ZFPM2: variants seen among roughly 807,000 people sequenced by gnomAD.
ZFPM2 encodes zinc finger protein, FOG family member 2, also known as zinc finger protein ZFPM2.
In ZFPM2, 20 loss-of-function variants were observed where a neutral mutation model predicts 98.6. The ratio of observed to expected loss-of-function variants is 0.20; its 90% CI spans 0.14 to 0.29. The LOEUF is 0.29. Ranked by LOEUF, ZFPM2 falls within the 10% of genes least tolerant of loss-of-function variation. The probability of loss-of-function intolerance (pLI) is 1.00; values close to 1 mark genes in which losing one functional copy is unlikely to be tolerated. For synonymous variants in ZFPM2, 518 were observed against 502.7 expected, an observed-to-expected ratio of 1.03 and a Z score of -0.41; for missense variants, 1,310 against 1,388.6, an observed-to-expected ratio of 0.94 and a Z score of 0.90.
At chr8:105,759,991 G>A (rs1217770505) in intron 5 of ZFPM2, among the ~76,000 whole-genome samples, 2 of 152,072 alleles carry the variant, frequency 1.3e-5, no homozygotes, top group East Asian at 1.9e-4. Flanking sequence ...AGTAGATTAG[G>A]TTAATTCAGA....
chr8:105,322,416 G>T (rs1318458790), intron 1 of ZFPM2, among the ~76,000 whole-genome samples: 1 of 146,492 alleles, frequency 6.8e-6, no homozygotes, highest in African/African-American at 2.5e-5. Context: ...ACACTGAAGT[G>T]TATTGGCTAT....
intron 5 of ZFPM2, among the ~76,000 whole-genome samples, chr8:105,735,352 T>G (rs1271122710): frequency 6.6e-6 from 1 of 151,636 alleles, no homozygotes; most frequent in Non-Finnish European, 1.5e-5. Context: ...TGTGGATACA[T>G]TGTATTATAC....
chr8:105,403,438 T>G (rs566692723), intron 1 of ZFPM2, among the ~76,000 whole-genome samples: 18 of 152,270 alleles, frequency 1.2e-4, no homozygotes, highest in African/African-American at 4.3e-4. Context: ...AATGTAGAAA[T>G]GTAGATTTTT....
intron 4 of ZFPM2, among the ~76,000 whole-genome samples, chr8:105,599,568 G>A (rs1816048654): frequency 6.6e-6 from 1 of 152,022 alleles, no homozygotes; most frequent in South Asian, 2.1e-4. Context: ...GAGGATCAGA[G>A]TATCAAGGAA....
chr8:105,790,327 A>T (rs1813565758), intron 6 of ZFPM2, among the ~76,000 whole-genome samples: 1 of 151,610 alleles, frequency 6.6e-6, no homozygotes, highest in African/African-American at 2.4e-5. Context: ...TCCCAGCACC[A>T]TTTATTAAAT....
intron 5 of ZFPM2, among the ~76,000 whole-genome samples, chr8:105,781,066 T>A (rs997539244): frequency 6.6e-6 from 1 of 152,162 alleles, no homozygotes; most frequent in African/African-American, 2.4e-5. Context: ...TATTCTTAAC[T>A]AAGGAAGCAA....
intron 5 of ZFPM2, among the ~76,000 whole-genome samples, chr8:105,781,673 T>C (rs780044741): frequency 6.6e-6 from 1 of 152,068 alleles, no homozygotes; most frequent in Non-Finnish European, 1.5e-5. Flanking sequence ...AGCTGAGCGG[T>C]GACTGCCACT....
At chr8:105,689,476 A>T (rs1257357096) in intron 5 of ZFPM2, among the ~76,000 whole-genome samples, 1 of 152,176 alleles carries the variant, frequency 6.6e-6, no homozygotes, top group African/African-American at 2.4e-5. Flanking sequence ...GACAAACCAA[A>T]TGCTATTCAG....
chr8:105,332,943 G>A (rs1194948999), intron 1 of ZFPM2, among the ~76,000 whole-genome samples: 5 of 151,698 alleles, frequency 3.3e-5, no homozygotes, highest in Non-Finnish European at 7.4e-5. Context: ...ACTTTTAAAG[G>A]GCTTTGTGTG....
chr8:105,359,071 A>G (rs1256385991), intron 1 of ZFPM2, among the ~76,000 whole-genome samples: 1 of 152,088 alleles, frequency 6.6e-6, no homozygotes, highest in Non-Finnish European at 1.5e-5. Context: ...GTAATCCCCA[A>G]GTGTTGAGGG....
rs1334398613 is a variant in ZFPM2, at chr8:105,801,828, A to G, written c.1746A>G (p.Pro582=). 1 of 1,613,870 alleles carries G rather than the reference A, an allele frequency of 6.2e-7. No individual in the cohort carries two copies. Among genetic ancestry groups the G allele is most frequent in the Non-Finnish European group, 8.5e-7 (1 of 1,179,886 alleles). ...SSRWQQMAKS[P]EFPSVSEKMP... ...GATGGCAGCAGATGGCTAAGTCCCCAGAGTTCCCTAGTGTGTCAGAAAAGA... is the reference window on the plus strand; with the variant it reads ...GATGGCAGCAGATGGCTAAGTCCCCGGAGTTCCCTAGTGTGTCAGAAAAGA... The change falls in exon 8 of 8, where the codon CCA becomes CCG. Residue 582 remains proline, a synonymous_variant. Coordinates refer to ENST00000407775, the MANE Select transcript of ZFPM2 (RefSeq NM_012082.4).
At chr8:105,620,657 G>C (rs1816519887) in intron 4 of ZFPM2, among the ~76,000 whole-genome samples, 1 of 152,008 alleles carries the variant, frequency 6.6e-6, no homozygotes, top group Non-Finnish European at 1.5e-5. Context: ...GGTTTTTTAT[G>C]GTTTTAGGTC....
At chr8:105,645,776 G>A (rs1418521027) in intron 5 of ZFPM2, among the ~76,000 whole-genome samples, 1 of 152,084 alleles carries the variant, frequency 6.6e-6, no homozygotes, top group South Asian at 2.1e-4. Context: ...AGAAATGGCC[G>A]GGCATGGTGG....
rs1814052830 is a variant in ZFPM2, at chr8:105,802,320, A to G, written c.2238A>G (p.Leu746=). 5.0e-6 allele frequency: 8 copies of G among 1,613,830 alleles called. No individual in the cohort carries two copies. The highest frequency in any genetic ancestry group is 6.8e-6 in the Non-Finnish European group (8 of 1,179,840). The change falls in exon 8 of 8, where the codon CTA becomes CTG. Residue 746 remains leucine (L), a synonymous_variant. Coordinates refer to ENST00000407775, the MANE Select transcript of ZFPM2 (RefSeq NM_012082.4). ...GCAGAAAGATGTATGAGATGTGCCT[A>G]CCTGAGCAGGAACAAAGGCCTCCAC... ...RKRRKMYEMC[L]PEQEQRPPLV... is the part of the protein sequence containing the mutation.
At chr8:105,422,687 A>T (rs1226157121) in intron 2 of ZFPM2, among the ~76,000 whole-genome samples, 1 of 152,168 alleles carries the variant, frequency 6.6e-6, no homozygotes, top group Admixed American at 6.5e-5. Context: ...TAAACAAAGG[A>T]TATCTTAAAA....
intron 4 of ZFPM2, among the ~76,000 whole-genome samples, chr8:105,589,548 T>C (rs1815798844): frequency 6.6e-6 from 1 of 152,226 alleles, no homozygotes; most frequent in Non-Finnish European, 1.5e-5. Context: ...TTATTTACGT[T>C]AACATAAAAG....
intron 5 of ZFPM2, among the ~76,000 whole-genome samples, chr8:105,665,394 G>T (rs1379676864): frequency 6.6e-6 from 1 of 152,002 alleles, no homozygotes; most frequent in Non-Finnish European, 1.5e-5. Flanking sequence ...TATTATATTG[G>T]TACAAAAATG....
At chr8:105,728,950 T>C (rs1349670696) in intron 5 of ZFPM2, among the ~76,000 whole-genome samples, 2 of 151,704 alleles carry the variant, frequency 1.3e-5, no homozygotes, top group African/African-American at 4.8e-5. Context: ...CTGTGAAATC[T>C]GTGTTGGATA....
At chr8:105,393,637 T>C (rs2129947770) in intron 1 of ZFPM2, among the ~76,000 whole-genome samples, 1 of 152,216 alleles carries the variant, frequency 6.6e-6, no homozygotes, top group East Asian at 1.9e-4. Flanking sequence ...AGTAAGTTAG[T>C]GCTGGCATAG....
Sources: gnomAD v4.1 joint callset for allele counts (sites outside exome capture counted in the v4.1 genomes callset) on GRCh38, gnomAD v4.1.1 for gene constraint, MANE v1.5 for transcripts, NCBI Gene and HGNC (gene_info 2026-07-23, HGNC 2026-07-21) for gene names.